Variants in EXOC6B observed in about 807,000 individuals in gnomAD.
EXOC6B encodes the protein exocyst complex component 6B.
In EXOC6B, 54 loss-of-function variants were observed where a neutral mutation model predicts 113.5. That is an observed-to-expected ratio of 0.48 (90% confidence interval 0.38 to 0.60). EXOC6B has a LOEUF of 0.60. Among genes scored for constraint, EXOC6B ranks in the 20% least tolerant of loss-of-function variants. EXOC6B has a pLI of 0.00. For missense variants in EXOC6B, 797 were observed against 977.5 expected, an observed-to-expected ratio of 0.82 and a Z score of 2.46; for synonymous variants, 357 against 339.0, an observed-to-expected ratio of 1.05 and a Z score of -0.58.
rs764910482 is a variant in EXOC6B, at chr2:72,575,639, G to C, written c.699C>G (p.Ile233Met). The C allele has an allele frequency of 3.1e-6, 5 of 1,601,256 alleles. No individual in the cohort carries two copies. Among genetic ancestry groups the C allele is most frequent in the Non-Finnish European group, 4.3e-6 (5 of 1,175,096 alleles). Residue 233 changes from isoleucine to methionine, a missense_variant, in exon 7 of 22, where the codon ATC (isoleucine) becomes ATG (methionine). Coordinates refer to ENST00000272427, the MANE Select transcript of EXOC6B (RefSeq NM_015189.3). Reference protein sequence around the residue: ...QAQQQRNLDNIVLQQPRIGSK... With the variant: ...QAQQQRNLDNMVLQQPRIGSK... ...TACCTATTCTGGGTTGTTGCAAGAC[G>C]ATGTTATCCAGGTTTCTTTGCTGCT... is the stretch of plus-strand genomic sequence containing the variant.
chr2:72,815,307 G>A (rs1028221481), intron 1 of EXOC6B, among the ~76,000 whole-genome samples: 4 of 151,794 alleles, frequency 2.6e-5, no homozygotes, highest in Non-Finnish European at 4.4e-5. Flanking sequence ...CTGGACAACA[G>A]GGCGAAACCC....
At chr2:72,518,873 C>T (rs1701351013) in intron 8 of EXOC6B, among the ~76,000 whole-genome samples, 2 of 152,062 alleles carry the variant, frequency 1.3e-5, no homozygotes, top group Non-Finnish European at 2.9e-5. Flanking sequence ...AAAGATCAGT[C>T]AGAATCTGAG....
In EXOC6B at chr2:72,643,112, A is replaced by T. The variant is rs1163900556; in HGVS notation, c.670-67444T>A. On this transcript the variant is annotated intron_variant, in intron 6 of 21. Coordinates refer to ENST00000272427, the MANE Select transcript of EXOC6B (RefSeq NM_015189.3). ...GGCAATCATTAAAAAATCAGGAAAC[A>T]ACAGGTGCTGGAGAGGATGTGGAGA... 1.1e-3 allele frequency among the ~76,000 whole-genome samples: 168 copies of T among 151,970 alleles called. 1 individual carries two copies. Among genetic ancestry groups the T allele is most frequent in the Middle Eastern group, 6.8e-3 (2 of 294 alleles).
At chr2:72,208,535 G>A (rs1402787437) in intron 20 of EXOC6B, among the ~76,000 whole-genome samples, 7 of 152,134 alleles carry the variant, frequency 4.6e-5, no homozygotes, top group African/African-American at 1.7e-4. Flanking sequence ...TGAATAGCAT[G>A]GCAATGAACA....
At chr2:72,685,864 G>A (rs977353582) in intron 6 of EXOC6B, among the ~76,000 whole-genome samples, 3 of 152,212 alleles carry the variant, frequency 2.0e-5, no homozygotes, top group Non-Finnish European at 2.9e-5. Context: ...TTGGGTACAG[G>A]AAGCCATAAA....
At chr2:72,640,071 T>C (rs1673117707) in intron 6 of EXOC6B, among the ~76,000 whole-genome samples, 1 of 152,070 alleles carries the variant, frequency 6.6e-6, no homozygotes, top group Non-Finnish European at 1.5e-5. Flanking sequence ...TGAAGATCAT[T>C]GAGCTACAGG....
At position 72,184,075 on chromosome 2, in the gene EXOC6B, T is replaced by A; in HGVS notation, c.2309A>T (p.Lys770Met). 6.5e-7 allele frequency: 1 copy of A among 1,536,030 alleles called. No individual in the cohort carries two copies. The highest frequency in any genetic ancestry group is 1.4e-5 in the African/African-American group (1 of 73,092). ...ACAGACCATTGGACAAGGTACTCAC[T>A]TCTCAAGCAGGGTCAGAGCAGTCAC... ...NPVTALTLLE[K>M]MKDTSRKNNM... The change falls in exon 21 of 22, where the codon AAG (lysine) becomes ATG (methionine). Residue 770 changes from lysine to methionine, a missense_variant and splice_region_variant. Physicochemically the swap from Lys to Met is moderately conservative, Grantham distance 95. Transcript: ENST00000272427.
intron 20 of EXOC6B, among the ~76,000 whole-genome samples, chr2:72,219,202 T>C (rs1055947563): frequency 1.3e-5 from 2 of 152,042 alleles, no homozygotes; most frequent in Non-Finnish European, 2.9e-5. Flanking sequence ...TGCCTAGCCA[T>C]GTGTGAACAC....
intron 18 of EXOC6B, chr2:72,463,645 TA>T (rs1252419818): frequency 1.3e-5 from 2 of 152,146 alleles, no homozygotes; most frequent in Non-Finnish European, 2.9e-5. Flanking sequence ...TACTGAATTC[TA>T]AAGCTAAACG....
intron 6 of EXOC6B, among the ~76,000 whole-genome samples, chr2:72,578,010 C>A (rs961025795): frequency 2.0e-5 from 3 of 152,096 alleles, no homozygotes; most frequent in Non-Finnish European, 2.9e-5. Context: ...CATATATATT[C>A]TTCTCTGATT....
At chr2:72,727,060 T>C (rs576434302) in intron 5 of EXOC6B, among the ~76,000 whole-genome samples, 1 of 152,244 alleles carries the variant, frequency 6.6e-6, no homozygotes, top group South Asian at 2.1e-4. Context: ...CCTAGTCCCC[T>C]ATCCCAGGGG....
chr2:72,207,654 G>T (rs1385637198), intron 20 of EXOC6B, among the ~76,000 whole-genome samples: 2 of 152,170 alleles, frequency 1.3e-5, no homozygotes, highest in African/African-American at 4.8e-5. Flanking sequence ...CCAGAATAGT[G>T]TAACGATTTA....
intron 20 of EXOC6B, among the ~76,000 whole-genome samples, chr2:72,292,978 T>C (rs1016611620): frequency 3.9e-5 from 6 of 152,168 alleles, no homozygotes; most frequent in Non-Finnish European, 7.4e-5. Context: ...CCATTATGAA[T>C]AAAGCTGCTT....
At chr2:72,296,288 C>T (rs1384216673) in intron 20 of EXOC6B, among the ~76,000 whole-genome samples, 2 of 151,970 alleles carry the variant, frequency 1.3e-5, no homozygotes, top group Non-Finnish European at 1.5e-5. Flanking sequence ...GGAGAAGAAA[C>T]ATGGGTCTTT....
intron 18 of EXOC6B, among the ~76,000 whole-genome samples, chr2:72,393,013 C>G (rs1692484013): frequency 6.6e-6 from 1 of 152,024 alleles, no homozygotes; most frequent in South Asian, 2.1e-4. Flanking sequence ...CCCTATGCAC[C>G]TGCAGCTTAC....
Position 72,300,402 on chromosome 2 carries a change from T to A in EXOC6B, c.2196+34545A>T, listed in dbSNP as rs572748435. On this transcript the variant is annotated intron_variant, in intron 20 of 21. Coordinates refer to ENST00000272427, the MANE Select transcript of EXOC6B (RefSeq NM_015189.3). ...CAAACTTGAGCATCCCAGGTCGACCTCAGACTGCTGTGCTAGCAGCAAGAA... is the reference window on the plus strand; with the variant it reads ...CAAACTTGAGCATCCCAGGTCGACCACAGACTGCTGTGCTAGCAGCAAGAA... 1.2e-4 allele frequency among the ~76,000 whole-genome samples: 18 copies of A among 152,352 alleles called. 1 individual carries two copies. The highest frequency in any genetic ancestry group is 4.1e-4 in the African/African-American group (17 of 41,588).
At chr2:72,368,852 A>G (rs1690812099) in intron 19 of EXOC6B, among the ~76,000 whole-genome samples, 1 of 152,218 alleles carries the variant, frequency 6.6e-6, no homozygotes, top group Non-Finnish European at 1.5e-5. Context: ...TTAGGCATTG[A>G]TGGGACATAT....
intron 21 of EXOC6B, among the ~76,000 whole-genome samples, chr2:72,181,406 T>C (rs1466216256): frequency 6.6e-6 from 1 of 152,116 alleles, no homozygotes; most frequent in Non-Finnish European, 1.5e-5. Context: ...ACTCTGATAA[T>C]TACTGTATTT....
intron 6 of EXOC6B, among the ~76,000 whole-genome samples, chr2:72,605,273 G>A (rs1228535958): frequency 6.9e-6 from 1 of 145,744 alleles, no homozygotes; most frequent in East Asian, 2.0e-4. Flanking sequence ...GACAGAGCAA[G>A]ACTCTGTCTC....
Sources: gnomAD v4.1 joint callset for allele counts (sites outside exome capture counted in the v4.1 genomes callset) on GRCh38, gnomAD v4.1.1 for gene constraint, MANE v1.5 for transcripts, NCBI Gene and HGNC (gene_info 2026-07-23, HGNC 2026-07-21) for gene names.